Variants in TRPM1 observed in about 807,000 individuals in gnomAD.
TRPM1 encodes the protein TRPM1-203 APA Isoform, Intron 10.
In TRPM1, 113 loss-of-function variants were observed where a neutral mutation model predicts 149.4. The ratio of observed to expected loss-of-function variants is 0.76; its 90% CI spans 0.65 to 0.88. The LOEUF is 0.88. Among genes scored for constraint, TRPM1 ranks in the 40% least tolerant of loss-of-function variants. The pLI is 0.00. For missense variants in TRPM1, 1,976 were observed against 2,038.7 expected (o/e 0.97, Z 0.59); for synonymous variants, 741 against 759.5 (o/e 0.98, Z 0.40).
chr15:31,143,835 A>T (rs977248492), intron 1 of TRPM1, among the ~76,000 whole-genome samples: 3 of 151,900 alleles, frequency 2.0e-5, no homozygotes, highest in Non-Finnish European at 4.4e-5. Context: ...TTTCCTTCTT[A>T]CCTGATACTT....
At position 31,042,020 on chromosome 15, in the gene TRPM1, G is replaced by C; in HGVS notation, c.2018C>G (p.Ala673Gly). 6.2e-7 allele frequency: 1 copy of C among 1,614,192 alleles called. No homozygotes were observed. The highest frequency in any genetic ancestry group is 8.5e-7 in the Non-Finnish European group (1 of 1,180,024). ...ACTCTCGGAGGACTCGTGGGCCATG[G>C]CCTTGTAGAGCTTGCAGGCCACCAG... ...KALVACKLYK[A>G]MAHESSESDL... is the part of the protein sequence containing the mutation. Residue 673 changes from alanine (A) to glycine (G), a missense_variant, in exon 17 of 28, where the codon GCC (alanine) becomes GGC (glycine). This residue lies in a region of TRPM1 where 1,332 missense variants were observed against 1,347.1 expected (regional missense o/e 0.99). Transcript: ENST00000256552.
Position 31,083,035 on chromosome 15 carries a change from C to T in TRPM1, c.-83-1597G>A, listed in dbSNP as rs112703223. ...AGGGGGATACCTTGAGAAGGCTGGA[C>T]GGAGACAAGGAGGAAGGCTGCAAAG... is the stretch of plus-strand genomic sequence containing the variant. On this transcript the variant is annotated intron_variant, in intron 1 of 27. Coordinates refer to ENST00000256552, the MANE Select transcript of TRPM1 (RefSeq NM_001252024.2). Among the ~76,000 whole-genome samples, 1,119 of 152,118 alleles carry T rather than the reference C, an allele frequency of 7.4e-3. 15 individuals are homozygous for T. The highest frequency in any genetic ancestry group is 0.025 in the African/African-American group (1,045 of 41,492).
chr15:31,116,154 A>G (rs1372736667), intron 1 of TRPM1, among the ~76,000 whole-genome samples: 4 of 152,142 alleles, frequency 2.6e-5, no homozygotes, highest in Non-Finnish European at 4.4e-5. Flanking sequence ...GGGGGAGGAA[A>G]AATACCAAAC....
chr15:31,081,888 C>T (rs1346547548), intron 1 of TRPM1, among the ~76,000 whole-genome samples: 3 of 152,198 alleles, frequency 2.0e-5, no homozygotes, highest in Non-Finnish European at 4.4e-5. Flanking sequence ...CATGGCTCAC[C>T]TGGGGAGGAG....
chr15:31,096,949 C>T (rs889969617), intron 1 of TRPM1, among the ~76,000 whole-genome samples: 12 of 152,122 alleles, frequency 7.9e-5, no homozygotes, highest in African/African-American at 1.2e-4. Context: ...GAGGGGTAGG[C>T]GGGTGAAACC....
chr15:31,010,889 G>T (rs558872400), intron 27 of TRPM1, among the ~76,000 whole-genome samples: 12 of 152,158 alleles, frequency 7.9e-5, no homozygotes, highest in African/African-American at 2.9e-4. Context: ...TATTATTTGA[G>T]AACTATCTGC....
rs536764273 is a variant in TRPM1, at chr15:31,146,130, G to C, written c.54+14776C>G. Among the ~76,000 whole-genome samples the C allele has an allele frequency of 3.3e-5, 5 of 152,188 alleles. 1 individual carries two copies. In the South Asian group the frequency reaches 1.0e-3, roughly 32 times the overall value. On this transcript the variant is annotated intron_variant, in intron 1 of 26. Transcript: ENST00000542188. ...TTATCGTCACAATAGTAGTCTCCTTGGTGCACTGTATCCTCTCAAAAAAGT... is the reference window on the plus strand; with the variant it reads ...TTATCGTCACAATAGTAGTCTCCTTCGTGCACTGTATCCTCTCAAAAAAGT...
intron 1 of TRPM1, among the ~76,000 whole-genome samples, chr15:31,126,995 C>G (rs2035959970): frequency 6.6e-6 from 1 of 151,782 alleles, no homozygotes; most frequent in South Asian, 2.1e-4. Context: ...AACAAACAAA[C>G]AGAAATGCAT....
chr15:31,160,112 G>A (rs559124921), intron 1 of TRPM1, among the ~76,000 whole-genome samples: 63 of 152,282 alleles, frequency 4.1e-4, no homozygotes, highest in African/African-American at 1.4e-3. Flanking sequence ...AGAGGCTTCC[G>A]GTGTGGTCTG....
intron 3 of TRPM1, among the ~76,000 whole-genome samples, 153 bp downstream of exon 3, chr15:31,076,752 C>G (rs1171479159): frequency 1.3e-5 from 2 of 152,142 alleles, no homozygotes; most frequent in Admixed American, 1.3e-4. Flanking sequence ...AATGGAGTAA[C>G]AAGGAGCCCC....
chr15:31,071,155 T>C (rs948472392), intron 3 of TRPM1, among the ~76,000 whole-genome samples: 1 of 152,208 alleles, frequency 6.6e-6, no homozygotes, highest in Non-Finnish European at 1.5e-5. Context: ...CCATCATTTT[T>C]GGCTGCCACT....
chr15:31,031,935 T>C (rs996844142), intron 22 of TRPM1, among the ~76,000 whole-genome samples: 1 of 151,970 alleles, frequency 6.6e-6, no homozygotes, highest in Non-Finnish European at 1.5e-5. Context: ...GGAGTACAGG[T>C]TGGGGATTGG....
chr15:31,155,710 GGAGA>G (rs145698233), intron 1 of TRPM1, among the ~76,000 whole-genome samples: 108 of 151,694 alleles, frequency 7.1e-4, no homozygotes, highest in African/African-American at 2.5e-3. Context: ...AAAGGGAGGG[GGAGA>G]GAGAGAGAGA....
At chr15:31,086,557 CTGGGTGCCTG>C (rs1362182601) in intron 1 of TRPM1, among the ~76,000 whole-genome samples, 2 of 152,318 alleles carry the variant, frequency 1.3e-5, no homozygotes, top group South Asian at 2.1e-4. Flanking sequence ...GCCCTGGCTT[CTGGGTGCCTG>C]TGGGTGCCTA....
chr15:31,015,286 G>A lies in TRPM1; in HGVS notation c.3629+10853C>T, dbSNP rs556023236. Among the ~76,000 whole-genome samples the A allele has an allele frequency of 1.4e-4, 21 of 152,062 alleles. No individual in the cohort carries two copies. The East Asian group carries it at 1.5e-3, about 11-fold the overall frequency. On this transcript the variant is annotated intron_variant, in intron 27 of 27. Coordinates refer to ENST00000256552, the MANE Select transcript of TRPM1 (RefSeq NM_001252024.2). ...AAATTAGCTGGGCACGGTGGCATGC[G>A]CCTGTAATCCCAGCCACTTGGGGGC...
chr15:31,104,805 A>G (rs543569195), upstream of TRPM1, among the ~76,000 whole-genome samples: 99 of 152,208 alleles, frequency 6.5e-4, 3 homozygotes, highest in South Asian at 0.02. Flanking sequence ...CGTGTTGGCC[A>G]GGATGGTCTC....
At chr15:31,058,908 C>G (rs1169982295) in intron 11 of TRPM1, among the ~76,000 whole-genome samples, 3 of 151,836 alleles carry the variant, frequency 2.0e-5, no homozygotes, top group African/African-American at 7.3e-5. Flanking sequence ...ATGGTGAAAC[C>G]CTGTGTCCAC....
At chr15:31,147,602 G>A (rs775355128) in intron 1 of TRPM1, among the ~76,000 whole-genome samples, 1 of 152,188 alleles carries the variant, frequency 6.6e-6, no homozygotes, top group Non-Finnish European at 1.5e-5. Flanking sequence ...CATCACTCCC[G>A]ATTGCTCTCA....
chr15:31,035,685 G>A lies in TRPM1; in HGVS notation c.2572-11C>T. ...GCCCAAGTATGATATCTGAAAGAAA[G>A]ACAAGCTGTTAGCCGTGTTTGGGGG... On this transcript the variant is annotated splice_polypyrimidine_tract_variant and intron_variant, in intron 20 of 27. Transcript: ENST00000256552. The A allele has an allele frequency of 6.2e-7, 1 of 1,614,202 alleles. No individual in the cohort carries two copies. Among genetic ancestry groups the A allele is most frequent in the Non-Finnish European group, 8.5e-7 (1 of 1,180,040 alleles).
Sources: gnomAD v4.1 joint callset for allele counts (sites outside exome capture counted in the v4.1 genomes callset) on GRCh38, gnomAD v4.1.1 for gene constraint, gnomAD v4.1.1 regional missense constraint, MANE v1.5 for transcripts, NCBI Gene and HGNC (gene_info 2026-07-23, HGNC 2026-07-21) for gene names.